Variants in SLC39A8 observed in about 807,000 individuals in gnomAD.
SLC39A8 encodes the protein solute carrier family 39 member 8.
In SLC39A8, 15 loss-of-function variants were observed where a neutral mutation model predicts 40.4. The ratio of observed to expected loss-of-function variants is 0.37; its 90% CI spans 0.25 to 0.57. SLC39A8 has a LOEUF of 0.57. SLC39A8 is among the 20% of genes least tolerant of loss of function. The probability of loss-of-function intolerance (pLI) is 0.75; values close to 1 mark genes in which losing one functional copy is unlikely to be tolerated. For missense variants in SLC39A8, 472 were observed against 558.8 expected (o/e 0.84, Z 1.57); for synonymous variants, 223 against 221.6 (o/e 1.01, Z -0.06).
At chr4:102,333,630 G>C (rs1578627018) in intron 2 of SLC39A8, among the ~76,000 whole-genome samples, 1 of 152,288 alleles carries the variant, frequency 6.6e-6, no homozygotes, top group Non-Finnish European at 1.5e-5. Flanking sequence ...AGTTTTGTTT[G>C]AGACAGGTTT....
chr4:102,333,183 T>C (rs1735537518), intron 2 of SLC39A8, among the ~76,000 whole-genome samples: 1 of 152,014 alleles, frequency 6.6e-6, no homozygotes, highest in Non-Finnish European at 1.5e-5. Context: ...AAAATGTGTA[T>C]ATATATACAT....
chr4:102,317,539 T>C lies in SLC39A8; in HGVS notation c.220-1709A>G, dbSNP rs569925929. ...AGGGAGAAAATACCTCAAGATTTAA[T>C]TGGGGAAGGGAAAGTGTGAACAGTT... On this transcript the variant is annotated intron_variant, in intron 2 of 8. Transcript: ENST00000356736. Among the ~76,000 whole-genome samples, 4 of 152,176 alleles carry C rather than the reference T, an allele frequency of 2.6e-5. No homozygotes were observed. The South Asian group carries it at 8.3e-4, about 32-fold the overall frequency.
chr4:102,262,248 C>T lies in SLC39A8; in HGVS notation c.*796G>A. The stretch of plus-strand genomic sequence containing the variant: ...ATATTCTTCACCTTCACAAAGCAAA[C>T]ACATGGTGCACTGAAACCGAGGTGT... On this transcript the variant is annotated 3_prime_UTR_variant, in exon 9 of 9. Coordinates refer to ENST00000356736, the MANE Select transcript of SLC39A8 (RefSeq NM_001135146.2). 1 of 985,850 alleles carries T rather than the reference C, an allele frequency of 1.0e-6. No individual in the cohort carries two copies. The highest frequency in any genetic ancestry group is 1.2e-6 in the Non-Finnish European group (1 of 829,914). 61.1% of individuals were successfully genotyped at this position (985,850 alleles called of 1,614,324 possible). A position where few individuals can be genotyped will look rare whatever the true frequency, so the allele number is the denominator to read the frequency against.
At chr4:102,321,548 T>A (rs752512623) in intron 2 of SLC39A8, among the ~76,000 whole-genome samples, 12 of 152,116 alleles carry the variant, frequency 7.9e-5, no homozygotes, top group South Asian at 2.1e-4. Context: ...TTTCGCCCAA[T>A]AAATTCCATT....
intron 2 of SLC39A8, among the ~76,000 whole-genome samples, chr4:102,342,774 G>C (rs1453813519): frequency 1.3e-5 from 2 of 152,170 alleles, no homozygotes; most frequent in East Asian, 3.8e-4. Flanking sequence ...AATAATTTAG[G>C]CATGTTTTCC....
At chr4:102,335,909 T>C (rs1735646516) in intron 2 of SLC39A8, among the ~76,000 whole-genome samples, 1 of 152,192 alleles carries the variant, frequency 6.6e-6, no homozygotes, top group Non-Finnish European at 1.5e-5. Context: ...GGCTGTGCTT[T>C]CTTCTTTTAG....
At chr4:102,261,114 C>T (rs1421325893), downstream of SLC39A8, among the ~76,000 whole-genome samples, 1 of 143,968 alleles carries the variant, frequency 6.9e-6, no homozygotes, top group Non-Finnish European at 1.5e-5. Context: ...GAGAAAGAAG[C>T]TGTAGTAACA....
At chr4:102,327,116 G>T (rs1308533786) in intron 2 of SLC39A8, among the ~76,000 whole-genome samples, 1 of 152,038 alleles carries the variant, frequency 6.6e-6, no homozygotes, top group Non-Finnish European at 1.5e-5. Flanking sequence ...TTAAAAATTA[G>T]CTAAGCATGA....
intron 6 of SLC39A8, among the ~76,000 whole-genome samples, chr4:102,290,529 CAG>C (rs1340570147): frequency 6.6e-6 from 1 of 152,034 alleles, no homozygotes; most frequent in African/African-American, 2.4e-5. Context: ...CAGTGCACTC[CAG>C]AGTTTCAAGG....
chr4:102,265,403 A>T (rs565924870), intron 8 of SLC39A8, among the ~76,000 whole-genome samples: 1 of 152,234 alleles, frequency 6.6e-6, no homozygotes, highest in East Asian at 1.9e-4. Context: ...GTCCCAAAAC[A>T]TAATAGTAAC....
intron 6 of SLC39A8, among the ~76,000 whole-genome samples, chr4:102,297,760 A>C (rs1055417732): frequency 6.6e-6 from 1 of 151,956 alleles, no homozygotes; most frequent in Non-Finnish European, 1.5e-5. Flanking sequence ...CTACACAAAA[A>C]AAATTTAGTT....
At chr4:102,267,375 A>G in intron 8 of SLC39A8, 115 bp downstream of exon 8, 6 of 885,358 alleles carry the variant, frequency 6.8e-6, no homozygotes, top group Non-Finnish European at 1.0e-5. Context: ...CTGAATTACA[A>G]CAGAAAGGCC....
In SLC39A8 at chr4:102,261,782, A is replaced by C. The variant is rs1443770275; in HGVS notation, c.*1262T>G. The C allele has an allele frequency of 3.9e-5, 38 of 985,902 alleles. No individual in the cohort carries two copies. The highest frequency in any genetic ancestry group is 4.6e-5 in the Non-Finnish European group (38 of 829,844). 61.1% of individuals were successfully genotyped at this position (985,902 alleles called of 1,614,324 possible). A position where few individuals can be genotyped will look rare whatever the true frequency, so the allele number is the denominator to read the frequency against. On this transcript the variant is annotated 3_prime_UTR_variant, in exon 9 of 9. Coordinates refer to ENST00000356736, the MANE Select transcript of SLC39A8 (RefSeq NM_001135146.2). ...TTCACCAAATCTGCATTGCTGCTAC[A>C]TGAAAACATTTTTTGGTCTGTTGGA...
chr4:102,269,564 A>G (rs571788858), intron 6 of SLC39A8, among the ~76,000 whole-genome samples: 114 of 152,354 alleles, frequency 7.5e-4, no homozygotes, highest in African/African-American at 2.5e-3. Context: ...TTCATTTGGA[A>G]CAATTCTATG....
At chr4:102,281,962 G>A (rs1159320932) in intron 6 of SLC39A8, among the ~76,000 whole-genome samples, 3 of 152,148 alleles carry the variant, frequency 2.0e-5, no homozygotes, top group Admixed American at 6.5e-5. Context: ...GCCTCCTGCC[G>A]CATTCTCACT....
rs902362183 is a variant in SLC39A8, at chr4:102,315,684, T to G, written c.366A>C (p.Arg122Ser). ...PCEDRPKHKT[R>S]PSHSEVWGYG... is the part of the protein sequence containing the mutation. The stretch of plus-strand genomic sequence containing the variant: ...CTAATATACCTTCTGAATGACTTGG[T>G]CTTGTTTTGTGCTTGGGCCGATCCT... The change falls in exon 3 of 9, where the codon AGA becomes AGC. Residue 122 changes from arginine (R) to serine (S), a missense_variant. Coordinates refer to ENST00000356736, the MANE Select transcript of SLC39A8 (RefSeq NM_001135146.2). The G allele has an allele frequency of 6.2e-7, 1 of 1,610,978 alleles. No homozygotes were observed. The highest frequency in any genetic ancestry group is 8.5e-7 in the Non-Finnish European group (1 of 1,178,498).
chr4:102,272,656 T>G lies in SLC39A8; in HGVS notation c.841-4577A>C, dbSNP rs1055668580. 2.0e-5 allele frequency among the ~76,000 whole-genome samples: 3 copies of G among 152,232 alleles called. No homozygotes were observed. In the East Asian group the frequency reaches 5.8e-4, roughly 29 times the overall value. On this transcript the variant is annotated intron_variant, in intron 6 of 8. Transcript: ENST00000356736. ...AATACACCACTTAAAGAATTCTTAC[T>G]GACAGGCCAGATGGCCAAGTAGGAA...
chr4:102,276,906 G>T (rs1431427766), intron 6 of SLC39A8, among the ~76,000 whole-genome samples: 1 of 152,166 alleles, frequency 6.6e-6, no homozygotes, highest in Non-Finnish European at 1.5e-5. Context: ...TATCTCGATA[G>T]ATGCAGAAAA....
At chr4:102,297,991 A>G (rs868070599) in intron 6 of SLC39A8, among the ~76,000 whole-genome samples, 1 of 151,962 alleles carries the variant, frequency 6.6e-6, no homozygotes, top group Middle Eastern at 3.2e-3. Context: ...TGGCCTTAAA[A>G]AGGAGAAAGG....
Sources: gnomAD v4.1 joint callset for allele counts (sites outside exome capture counted in the v4.1 genomes callset) on GRCh38, gnomAD v4.1.1 for gene constraint, MANE v1.5 for transcripts, NCBI Gene and HGNC (gene_info 2026-07-23, HGNC 2026-07-21) for gene names.